Variants in FNTB observed in about 807,000 individuals in gnomAD.
FNTB encodes the protein protein farnesyltransferase subunit beta.
In FNTB, 27 loss-of-function variants were observed where a neutral mutation model predicts 59.4. The ratio of observed to expected loss-of-function variants is 0.45; its 90% CI spans 0.34 to 0.63. FNTB has a LOEUF of 0.63. Among genes scored for constraint, FNTB ranks in the 20% least tolerant of loss-of-function variants. FNTB has a pLI of 0.02. For synonymous variants in FNTB, 230 were observed against 220.7 expected (o/e 1.04, Z -0.37); for missense variants, 449 against 559.6 (o/e 0.80, Z 1.99).
In FNTB at chr14:65,004,262, A is replaced by G. The variant is rs752302231; in HGVS notation, c.158A>G (p.Glu53Gly). 1.2e-6 allele frequency: 2 copies of G among 1,613,638 alleles called. No individual in the cohort carries two copies. Among genetic ancestry groups the G allele is most frequent in the Admixed American group, 1.7e-5 (1 of 59,964 alleles). ...VTSIEQAKVEEKIQEVFSSYK... is the reference protein window; with the variant it reads ...VTSIEQAKVEGKIQEVFSSYK... ...CATCCTTACCAGGCAAAAGTAGAAG[A>G]AAAGATCCAAGAGGTCTTCAGTTCT... is the stretch of plus-strand genomic sequence containing the variant. The change falls in exon 2 of 12, where the codon GAA (glutamate) becomes GGA (glycine). Residue 53 changes from glutamate (E) to glycine (G), a missense_variant. Coordinates refer to ENST00000246166, the MANE Select transcript of FNTB (RefSeq NM_002028.4).
At chr14:65,006,043 C>G (rs1349027553) in intron 2 of FNTB, 8 of 1,268,898 alleles carry the variant, frequency 6.3e-6, no homozygotes, top group Non-Finnish European at 8.6e-6. Flanking sequence ...TTCATCATGT[C>G]TCTTGACTTC....
At chr14:65,000,926 A>G (rs936539162) in intron 1 of FNTB, among the ~76,000 whole-genome samples, 3 of 152,104 alleles carry the variant, frequency 2.0e-5, no homozygotes, top group Non-Finnish European at 4.4e-5. Flanking sequence ...ACTCTACACT[A>G]AAATTACATA....
At chr14:65,008,965 C>T (rs991656769) in intron 2 of FNTB, among the ~76,000 whole-genome samples, 10 of 152,208 alleles carry the variant, frequency 6.6e-5, no homozygotes, top group South Asian at 2.1e-4. Flanking sequence ...TCCTCATCCA[C>T]TTGAGCTGAC....
In FNTB at chr14:65,041,173, A is replaced by G. The variant is rs111696904; in HGVS notation, c.822+254A>G. Among the ~76,000 whole-genome samples the G allele has an allele frequency of 4.7e-3, 718 of 152,314 alleles. 14 individuals are homozygous for G. The highest frequency in any genetic ancestry group is 0.042 in the South Asian group (205 of 4,830). On this transcript the variant is annotated intron_variant, in intron 8 of 11. Coordinates refer to ENST00000246166, the MANE Select transcript of FNTB (RefSeq NM_002028.4). ...TGCTGCAGACATCTGGTGTGAGCAG[A>G]GTACCTTCCTTATACTTCAGTTTCG...
intron 2 of FNTB, among the ~76,000 whole-genome samples, chr14:65,004,909 C>T (rs998663437): frequency 6.6e-6 from 1 of 152,142 alleles, no homozygotes; most frequent in African/African-American, 2.4e-5. Flanking sequence ...GTGATCCACC[C>T]GCCTCAGCCT....
intron 11 of FNTB, among the ~76,000 whole-genome samples, chr14:65,060,850 G>A (rs2062847698): frequency 7.7e-6 from 1 of 129,108 alleles, no homozygotes; most frequent in Non-Finnish European, 1.6e-5. Context: ...TCCAGCCTGG[G>A]CAACAGAGCA....
chr14:65,005,503 TTCTTTCTTTC>T (rs1367432149), intron 2 of FNTB, among the ~76,000 whole-genome samples: 23 of 114,616 alleles, frequency 2.0e-4, no homozygotes, highest in African/African-American at 8.7e-4. Context: ...CTTTCTTTCT[TTCTTTCTTTC>T]TCTCTCTCTT....
At chr14:65,004,426 G>C in intron 2 of FNTB, 113 bp downstream of exon 2, 1 of 1,148,504 alleles carries the variant, frequency 8.7e-7, no homozygotes, top group Non-Finnish European at 1.3e-6. Flanking sequence ...TGCAAGAATG[G>C]TGTTTCTTGT....
rs547484938 is a variant in FNTB, at chr14:65,045,589, T to C, written c.955+1146T>C. On this transcript the variant is annotated intron_variant, in intron 9 of 11. Transcript: ENST00000246166. Reference sequence around the variant, plus strand: ...TGCCACCACACCTGGCTAATTTTTGTATTTTTAGTAGAGACAGGGTTTCAC... The same window carrying C: ...TGCCACCACACCTGGCTAATTTTTGCATTTTTAGTAGAGACAGGGTTTCAC... 2.6e-5 allele frequency among the ~76,000 whole-genome samples: 4 copies of C among 152,240 alleles called. No individual in the cohort carries two copies. The South Asian group carries it at 8.3e-4, about 32-fold the overall frequency.
rs1428257668 is a variant in FNTB, at chr14:65,027,799, C to G, written c.605+18C>G. On this transcript the variant is annotated intron_variant, in intron 6 of 11. Coordinates refer to ENST00000246166, the MANE Select transcript of FNTB (RefSeq NM_002028.4). The surrounding 1 kb of genome is among the most constrained non-coding windows in gnomAD (Gnocchi z 5.7). ...GATGTGAGGTGAGTGGGGTTTTGCA[C>G]AGGCTGCCACATCAGTTGACTCTAG... 6.2e-7 allele frequency: 1 copy of G among 1,613,904 alleles called. No individual in the cohort carries two copies. The highest frequency in any genetic ancestry group is 2.2e-5 in the East Asian group (1 of 44,868).
chr14:65,018,427 A>G (rs1017123666), intron 4 of FNTB, among the ~76,000 whole-genome samples: 9 of 152,372 alleles, frequency 5.9e-5, no homozygotes, highest in African/African-American at 2.2e-4. Flanking sequence ...ATTTACATAC[A>G]TTAAAAATAT....
chr14:65,006,114 G>A (rs1223073664), intron 2 of FNTB: 1 of 1,592,762 alleles, frequency 6.3e-7, no homozygotes, highest in African/African-American at 1.4e-5. Flanking sequence ...CTGCTTACTG[G>A]AACATTATAA....
At position 65,028,713 on chromosome 14, in the gene FNTB, CA is replaced by C. The variant is rs565657190; in HGVS notation, c.605+939del. On this transcript the variant is annotated intron_variant, in intron 6 of 11. Coordinates refer to ENST00000246166, the MANE Select transcript of FNTB (RefSeq NM_002028.4). This position sits in a 1 kb window ranked among gnomAD's most constrained non-coding sequence, Gnocchi z 4.4. ...CTATCTCTAACTTGTCTAATCCAAC[CA>C]AAAAAATTAGATTAGGATCTGTGTA... Among the ~76,000 whole-genome samples, 443 of 152,216 alleles carry C rather than the reference CA, an allele frequency of 2.9e-3. 3 individuals carry two copies. The highest frequency in any genetic ancestry group is 1.0e-2 in the African/African-American group (415 of 41,532).
At chr14:65,015,741 G>C (rs535762781) in intron 4 of FNTB, 25 bp downstream of exon 4, 3 of 1,606,548 alleles carry the variant, frequency 1.9e-6, no homozygotes, top group Non-Finnish European at 2.6e-6. Flanking sequence ...GGGAAATCTG[G>C]GGTGTTCTCT....
intron 7 of FNTB, among the ~76,000 whole-genome samples, chr14:65,037,180 T>C (rs551055656): frequency 6.6e-6 from 1 of 151,624 alleles, no homozygotes; most frequent in African/African-American, 2.4e-5. Flanking sequence ...CTCGGCTCAC[T>C]GCAACCTCTG....
At chr14:65,053,780 G>A (rs1160592250) in intron 10 of FNTB, among the ~76,000 whole-genome samples, 2 of 152,106 alleles carry the variant, frequency 1.3e-5, no homozygotes, top group Non-Finnish European at 2.9e-5. Flanking sequence ...TTAGAAAAAG[G>A]GAAATAAAAT....
Position 65,002,151 on chromosome 14 carries a change from CA to C in FNTB, c.145-2089del, listed in dbSNP as rs202247281. Among the ~76,000 whole-genome samples the C allele has an allele frequency of 1.1e-3, 160 of 150,322 alleles. 1 individual carries two copies. Among genetic ancestry groups the C allele is most frequent in the African/African-American group, 3.8e-3 (154 of 41,018 alleles). ...GAGATTTTTATGTATCTTGAAATCT[CA>C]AAAAAAAACATGTCTCACTACAAAG... On this transcript the variant is annotated intron_variant, in intron 1 of 11. Transcript: ENST00000246166.
chr14:64,992,075 A>G (rs1393492332), intron 1 of FNTB, among the ~76,000 whole-genome samples: 1 of 152,220 alleles, frequency 6.6e-6, no homozygotes, highest in African/African-American at 2.4e-5. Flanking sequence ...AAATCACTAA[A>G]TATGATAAAA....
chr14:64,989,865 T>C (rs1888121723), intron 1 of FNTB, among the ~76,000 whole-genome samples: 2 of 152,122 alleles, frequency 1.3e-5, no homozygotes, highest in East Asian at 1.9e-4. Context: ...CAATATAAAA[T>C]GTTAATTAGA....
Sources: allele counts gnomAD v4.1 joint callset (sites outside exome capture counted in the v4.1 genomes callset), GRCh38; gene constraint gnomAD v4.1.1; non-coding constraint Gnocchi (gnomAD v3.1); transcripts MANE v1.5; gene names NCBI Gene and HGNC (gene_info 2026-07-23, HGNC 2026-07-21).